The following CD22 variants were observed in gnomAD, a reference collection of about 807,000 sequenced individuals.
CD22 encodes the protein B-cell receptor CD22.
In CD22, 51 loss-of-function variants were observed where a neutral mutation model predicts 94.7. The observed-to-expected ratio is 0.54, with a 90% CI of 0.43 to 0.68. The LOEUF (loss-of-function observed/expected upper bound fraction) is 0.68, where lower values mean the gene tolerates loss of function less well. CD22 is among the 30% of genes least tolerant of loss of function. The pLI is 0.00. For synonymous variants in CD22, 424 were observed against 422.5 expected (o/e 1.00, Z -0.04); for missense variants, 931 against 1,060.4 (o/e 0.88, Z 1.69).
At position 35,337,692 on chromosome 19, in the gene CD22, T is replaced by C. The variant is rs934849061; in HGVS notation, c.719-63T>C. ...TGGCTTTGTCAGAATAAAAGCACTTTCCACACCCTCCACCCTCTGAGGATT... is the reference window on the plus strand; with the variant it reads ...TGGCTTTGTCAGAATAAAAGCACTTCCCACACCCTCCACCCTCTGAGGATT... On this transcript the variant is annotated intron_variant, in intron 4 of 13. Coordinates refer to ENST00000085219, the MANE Select transcript of CD22 (RefSeq NM_001771.4). The surrounding 1 kb of genome is among the most constrained non-coding windows in gnomAD (Gnocchi z 4.4). 9 of 1,450,102 alleles carry C rather than the reference T, an allele frequency of 6.2e-6. No individual in the cohort carries two copies. The highest frequency in any genetic ancestry group is 3.9e-5 in the Admixed American group (2 of 50,758). The allele number at this position is 1,450,102 out of a possible 1,614,324, so 89.8% of individuals were successfully genotyped here.
At position 35,338,004 on chromosome 19, in the gene CD22, T is replaced by C; in HGVS notation, c.968T>C (p.Val323Ala). ...NDVGPGRSEE[V>A]FLQVQYAPEP... is the part of the protein sequence containing the mutation. ...GTGGGCCCGGGAAGGTCGGAAGAAG[T>C]GTTCCTGCAAGTGCAGTGTGAGCCC... Residue 323 changes from valine to alanine, a missense_variant, in exon 5 of 14, where the codon GTG becomes GCG. Physicochemically the swap from Val to Ala is moderately conservative, Grantham distance 64 (BLOSUM62 0). Coordinates refer to ENST00000085219, the MANE Select transcript of CD22 (RefSeq NM_001771.4). 1.2e-6 allele frequency: 2 copies of C among 1,612,044 alleles called. No individual in the cohort carries two copies. Among genetic ancestry groups the C allele is most frequent in the South Asian group, 1.1e-5 (1 of 90,820 alleles).
chr19:35,346,532 T>G (rs1599696974), intron 13 of CD22, 34 bp from the exon 14 acceptor site: 1 of 1,580,638 alleles, frequency 6.3e-7, no homozygotes, highest in Non-Finnish European at 8.6e-7. Context: ...CTGGCGACAG[T>G]GGGGCCAGGC....
At chr19:35,339,671 C>G (rs1339596817) in intron 6 of CD22, among the ~76,000 whole-genome samples, 1 of 152,154 alleles carries the variant, frequency 6.6e-6, no homozygotes, top group Non-Finnish European at 1.5e-5. Context: ...GCCTGGCCAA[C>G]ATGGCGAAAC....
chr19:35,338,166 A>G lies in CD22; in HGVS notation c.986-2A>G. The G allele has an allele frequency of 6.2e-7, 1 of 1,606,454 alleles. No individual in the cohort carries two copies. Among genetic ancestry groups the G allele is most frequent in the Non-Finnish European group, 8.5e-7 (1 of 1,175,086 alleles). The stretch of plus-strand genomic sequence containing the variant: ...TCCACTCGCCTCTGCCCCCTCTTCC[A>G]GATGCCCCGGAACCTTCCACGGTTC... On this transcript the variant is annotated splice_acceptor_variant, in intron 5 of 13. Transcript: ENST00000085219. LOFTEE classifies it high-confidence loss of function.
In CD22 at chr19:35,340,929, GAGA is replaced by G. The variant is rs769640778; in HGVS notation, c.1301_1303del (p.Glu434del). ...GTGATTCAAAACCCCATGCCGATTCGAGAAGGAGACACAGTGACCCTTTCCTGT... is the reference window on the plus strand; with the variant it reads ...GTGATTCAAAACCCCATGCCGATTCGAGGAGACACAGTGACCCTTTCCTGT... On this transcript the variant is annotated inframe_deletion, in exon 7 of 14. Transcript: ENST00000085219. The G allele has an allele frequency of 1.2e-6, 2 of 1,614,154 alleles. No homozygotes were observed. Among genetic ancestry groups the G allele is most frequent in the Non-Finnish European group, 1.7e-6 (2 of 1,180,038 alleles).
chr19:35,331,947 G>A (rs2066651317), intron 1 of CD22, 72 bp from the exon 2 acceptor site: 1 of 1,610,420 alleles, frequency 6.2e-7, no homozygotes, highest in Non-Finnish European at 8.5e-7. Context: ...GGAGCTCAGT[G>A]GGTGAGCAAG....
intron 1 of CD22, chr19:35,329,937 T>C (rs2066622227): frequency 6.5e-6 from 1 of 153,084 alleles, no homozygotes; most frequent in South Asian, 2.1e-4. Flanking sequence ...CAAAGAAGTA[T>C]GGACAATGTA....
chr19:35,345,424 A>ACG, intron 11 of CD22, 178 bp from the exon 12 acceptor site: 1 of 332,462 alleles, frequency 3.0e-6, no homozygotes, highest in South Asian at 4.1e-5. Flanking sequence ...CTGCCTCAAA[A>ACG]AAAAAAAAAA....
At chr19:35,346,440 C>A in intron 13 of CD22, 126 bp from the exon 14 acceptor site, 1 of 1,349,932 alleles carries the variant, frequency 7.4e-7, no homozygotes, top group Non-Finnish European at 1.0e-6. Flanking sequence ...CAGCCAGTTT[C>A]CTGACACGAG....
chr19:35,344,161 A>C (rs895732069), intron 9 of CD22, among the ~76,000 whole-genome samples: 1 of 141,270 alleles, frequency 7.1e-6, no homozygotes, highest in Non-Finnish European at 1.6e-5. Flanking sequence ...TCACCACTGC[A>C]CTCCAGCCTG....
intron 9 of CD22, among the ~76,000 whole-genome samples, chr19:35,342,468 C>T (rs946666738): frequency 6.6e-6 from 1 of 152,084 alleles, no homozygotes; most frequent in Admixed American, 6.6e-5. Flanking sequence ...TGTGCCTCTC[C>T]CTGTTTCCTC....
In CD22 at chr19:35,341,123, G is replaced by T. The variant is rs760563783; in HGVS notation, c.1492G>T (p.Ala498Ser). The stretch of plus-strand genomic sequence containing the variant: ...TTGGTGCTCGTGGGCCTCCCCTGTC[G>T]CCCTGAATGTCCAGTGTGAGTCCCT... ...NSWCSWASPV[A>S]LNVQYAPRDV... Residue 498 changes from alanine (A) to serine (S), a missense_variant, in exon 7 of 14, where the codon GCC (alanine) becomes TCC (serine). By Grantham distance (99) the Ala-to-Ser change is moderately conservative. Coordinates refer to ENST00000085219, the MANE Select transcript of CD22 (RefSeq NM_001771.4). The surrounding 1 kb of genome is among the most constrained non-coding windows in gnomAD (Gnocchi z 4.0). 7.4e-6 allele frequency: 12 copies of T among 1,614,096 alleles called. No individual in the cohort carries two copies. The highest frequency in any genetic ancestry group is 1.0e-5 in the Non-Finnish European group (12 of 1,180,012).
chr19:35,338,023 T>C lies in CD22; in HGVS notation c.985+2T>C. 6.2e-7 allele frequency: 1 copy of C among 1,605,094 alleles called. No individual in the cohort carries two copies. Among genetic ancestry groups the C allele is most frequent in the Non-Finnish European group, 8.5e-7 (1 of 1,174,174 alleles). On this transcript the variant is annotated splice_donor_variant, in intron 5 of 13. Coordinates refer to ENST00000085219, the MANE Select transcript of CD22 (RefSeq NM_001771.4). LOFTEE classifies it high-confidence loss of function. ...AAGAAGTGTTCCTGCAAGTGCAGTG[T>C]GAGCCCCTCGGAGCTGGGGACAGGC... is the stretch of plus-strand genomic sequence containing the variant.
chr19:35,338,117 G>C (rs753706007), intron 5 of CD22, 51 bp from the exon 6 acceptor site: 3 of 1,581,452 alleles, frequency 1.9e-6, no homozygotes, highest in Non-Finnish European at 2.6e-6. Flanking sequence ...CGTGTGCACA[G>C]GTTGGGGGTG....
chr19:35,331,310 C>T (rs541471651), intron 1 of CD22, among the ~76,000 whole-genome samples: 2 of 152,276 alleles, frequency 1.3e-5, no homozygotes, highest in Non-Finnish European at 2.9e-5. Context: ...GAGTATAATC[C>T]TTGATGAGTA....
intron 3 of CD22, among the ~76,000 whole-genome samples, chr19:35,334,481 A>G (rs1599674862): frequency 6.6e-6 from 1 of 152,298 alleles, no homozygotes; most frequent in South Asian, 2.1e-4. Flanking sequence ...GGTGGCTTTG[A>G]CCCATCAAAC....
At chr19:35,342,007 G>T (rs1357916453) in intron 9 of CD22, 42 bp downstream of exon 9, 10 of 1,028,838 alleles carry the variant, frequency 9.7e-6, no homozygotes, top group African/African-American at 1.8e-5. Flanking sequence ...GTGGTGGTCA[G>T]TCCTTCCTTC....
rs777939374 is a variant in CD22 at position 35,338,437 on chromosome 19, T to C, written c.1249+6T>C. Reference sequence around the variant, plus strand: ...AGCTGAGCTGGATGTCCAGTGTGAGTAGCCACGGAGCCTCTGGTTCTAGGG... The same window carrying C: ...AGCTGAGCTGGATGTCCAGTGTGAGCAGCCACGGAGCCTCTGGTTCTAGGG... On this transcript the variant is annotated splice_donor_region_variant and intron_variant, in intron 6 of 13. Coordinates refer to ENST00000085219, the MANE Select transcript of CD22 (RefSeq NM_001771.4). The C allele has an allele frequency of 6.2e-7, 1 of 1,609,532 alleles. No homozygotes were observed. Among genetic ancestry groups the C allele is most frequent in the Non-Finnish European group, 8.5e-7 (1 of 1,177,132 alleles).
rs1460099446 is a variant in CD22 at position 35,346,500 on chromosome 19, C to T, written c.2413-66C>T. 16 of 1,553,104 alleles carry T rather than the reference C, an allele frequency of 1.0e-5. No homozygotes were observed. In the East Asian group the frequency reaches 1.2e-4, roughly 12 times the overall value. On this transcript the variant is annotated intron_variant, in intron 13 of 13. Coordinates refer to ENST00000085219, the MANE Select transcript of CD22 (RefSeq NM_001771.4). ...CCCGGGTGGAATGAAGGAGAGAATG[C>T]GGAGAAAAGCGGCGGTGGAGGCTGG...
Sources: gnomAD v4.1 joint callset for allele counts (sites outside exome capture counted in the v4.1 genomes callset) on GRCh38, gnomAD v4.1.1 for gene constraint, Gnocchi (gnomAD v3.1) non-coding constraint, MANE v1.5 for transcripts, NCBI Gene and HGNC (gene_info 2026-07-23, HGNC 2026-07-21) for gene names.